The following SLC14A2 variants were observed in gnomAD, a reference collection of about 807,000 sequenced individuals.
SLC14A2 encodes solute carrier family 14 member 2.
In SLC14A2, 91 loss-of-function variants were observed where a neutral mutation model predicts 104.6. The ratio of observed to expected loss-of-function variants is 0.87; its 90% confidence interval spans 0.73 to 1.04. The LOEUF (loss-of-function observed/expected upper bound fraction) is 1.04. Ranked by LOEUF, SLC14A2 falls within the 50% of genes least tolerant of loss-of-function variation. SLC14A2 has a pLI of 0.00. For synonymous variants in SLC14A2, 476 were observed against 466.4 expected (o/e 1.02, Z -0.27); for missense variants, 1,189 against 1,156.0 (o/e 1.03, Z -0.41).
intron 1 of SLC14A2, among the ~76,000 whole-genome samples, chr18:45,338,921 C>T (rs1186952319): frequency 6.6e-6 from 1 of 151,440 alleles, no homozygotes; most frequent in African/African-American, 2.4e-5. Context: ...CAAAATTGCT[C>T]TCACTAGATT....
chr18:45,319,516 G>T (rs2085164016), intron 1 of SLC14A2, among the ~76,000 whole-genome samples: 1 of 152,212 alleles, frequency 6.6e-6, no homozygotes, highest in South Asian at 2.1e-4. Flanking sequence ...CATCCAGTAG[G>T]CCAGAGCACC....
chr18:45,568,993 G>T (rs1473451251), intron 2 of SLC14A2, among the ~76,000 whole-genome samples: 2 of 152,206 alleles, frequency 1.3e-5, no homozygotes, highest in Non-Finnish European at 2.9e-5. Flanking sequence ...ATTTCCAGGA[G>T]ACTGAGTAGG....
chr18:45,515,026 C>T (rs2043418653), intron 2 of SLC14A2, among the ~76,000 whole-genome samples: 1 of 152,200 alleles, frequency 6.6e-6, no homozygotes. Context: ...ATCCTGACAG[C>T]ACTGACTTTT....
chr18:45,624,290 C>T (rs573041196), intron 1 of SLC14A2, among the ~76,000 whole-genome samples: 1 of 152,136 alleles, frequency 6.6e-6, no homozygotes, highest in Non-Finnish European at 1.5e-5. Context: ...GGGGAACATA[C>T]GTGTACCACT....
intron 1 of SLC14A2, among the ~76,000 whole-genome samples, chr18:45,304,035 C>T (rs1389190305): frequency 6.6e-6 from 1 of 152,148 alleles, no homozygotes; most frequent in Non-Finnish European, 1.5e-5. Context: ...TTACAATATT[C>T]AGGGTTTATA....
chr18:45,310,426 T>A (rs1176553007), intron 1 of SLC14A2, among the ~76,000 whole-genome samples: 1 of 152,270 alleles, frequency 6.6e-6, no homozygotes, highest in East Asian at 1.9e-4. Flanking sequence ...TGCTAATTTA[T>A]ATTAGCATGT....
chr18:45,349,049 A>G (rs56853602), intron 1 of SLC14A2, among the ~76,000 whole-genome samples: 1 of 152,336 alleles, frequency 6.6e-6, no homozygotes, highest in South Asian at 2.1e-4. Context: ...GACGTGCAGT[A>G]CAATTCATGA....
At chr18:45,402,643 T>C (rs776425437) in intron 1 of SLC14A2, among the ~76,000 whole-genome samples, 4 of 152,232 alleles carry the variant, frequency 2.6e-5, no homozygotes, top group Non-Finnish European at 5.9e-5. Flanking sequence ...CTTGGCACTC[T>C]AAAGGACTTT....
intron 1 of SLC14A2, among the ~76,000 whole-genome samples, chr18:45,269,628 G>A (rs905410485): frequency 5.9e-5 from 9 of 152,034 alleles, no homozygotes; most frequent in South Asian, 4.2e-4. Context: ...CACTACCTTC[G>A]AGACAAGACC....
chr18:45,306,762 C>A (rs549682697), intron 1 of SLC14A2, among the ~76,000 whole-genome samples: 1 of 152,196 alleles, frequency 6.6e-6, no homozygotes, highest in South Asian at 2.1e-4. Flanking sequence ...CTCGGGAACC[C>A]GCTTCTTCAA....
At chr18:45,622,249 C>T (rs184295725) in intron 1 of SLC14A2, among the ~76,000 whole-genome samples, 52 of 152,176 alleles carry the variant, frequency 3.4e-4, no homozygotes, top group Admixed American at 7.2e-4. Flanking sequence ...TGACCATGAA[C>T]GTGAAGGCAT....
chr18:45,393,011 T>G (rs2085988608), intron 1 of SLC14A2, among the ~76,000 whole-genome samples: 2 of 152,218 alleles, frequency 1.3e-5, no homozygotes, highest in Non-Finnish European at 1.5e-5. Flanking sequence ...TTTATGCCTA[T>G]GATCACAACC....
intron 1 of SLC14A2, among the ~76,000 whole-genome samples, chr18:45,437,625 G>C (rs921841941): frequency 5.3e-5 from 8 of 152,116 alleles, no homozygotes; most frequent in Non-Finnish European, 7.4e-5. Flanking sequence ...GCAAGAACTC[G>C]GTCACCGCCC....
At position 45,668,412 on chromosome 18, in the gene SLC14A2, G is replaced by A. The variant is rs775606590; in HGVS notation, c.1971G>A (p.Val657=). ...NGVLVGLLMA[V]FSDKGDYYWW... is the part of the protein sequence containing the mutation. ...TGCTGGTGGGGCTGCTGATGGCCGT[G>A]TTCTCAGACAAAGGTGACTACTACT... Residue 657 remains valine (V), a synonymous_variant, in exon 15 of 20, where the codon GTG becomes GTA. Coordinates refer to ENST00000255226, the MANE Select transcript of SLC14A2 (RefSeq NM_007163.4). The A allele has an allele frequency of 3.1e-6, 5 of 1,614,050 alleles. No homozygotes were observed. The South Asian group carries it at 3.3e-5, about 11-fold the overall frequency.
intron 10 of SLC14A2, 61 bp from the exon 11 acceptor site, chr18:45,663,724 T>A: frequency 1.3e-6 from 2 of 1,570,298 alleles, no homozygotes; most frequent in Non-Finnish European, 1.7e-6. Flanking sequence ...AGCTCTCTGC[T>A]TGGCTCTCTC....
upstream of SLC14A2, among the ~76,000 whole-genome samples, chr18:45,209,857 C>T (rs181002551): frequency 4.1e-4 from 62 of 152,312 alleles, no homozygotes; most frequent in Admixed American, 4.6e-4. Flanking sequence ...CTCCTGATTC[C>T]ACTTGATATA....
intron 1 of SLC14A2, among the ~76,000 whole-genome samples, chr18:45,242,655 C>T (rs1435488397): frequency 6.6e-6 from 1 of 152,114 alleles, no homozygotes; most frequent in African/African-American, 2.4e-5. Context: ...GCGTCTGAGC[C>T]ATGTGAATTC....
chr18:45,568,404 G>A (rs1380708786), intron 2 of SLC14A2, among the ~76,000 whole-genome samples: 1 of 152,246 alleles, frequency 6.6e-6, no homozygotes, highest in Non-Finnish European at 1.5e-5. Flanking sequence ...CAGGGGACGT[G>A]CTGTCTAGCT....
At chr18:45,628,129 G>A (rs1225464796) in intron 4 of SLC14A2, among the ~76,000 whole-genome samples, 1 of 152,040 alleles carries the variant, frequency 6.6e-6, no homozygotes, top group Admixed American at 6.6e-5. Context: ...CTGATGGTCA[G>A]AATCACTTAA....
Sources: gnomAD v4.1 joint callset for allele counts (sites outside exome capture counted in the v4.1 genomes callset) on GRCh38, gnomAD v4.1.1 for gene constraint, MANE v1.5 for transcripts, NCBI Gene and HGNC (gene_info 2026-07-23, HGNC 2026-07-21) for gene names.